Variants in CNBD1 observed in about 807,000 individuals in gnomAD.
CNBD1 encodes cyclic nucleotide-binding domain-containing protein 1.
A neutral mutation model predicts 54.4 loss-of-function variants in CNBD1; 71 were observed. That is an observed-to-expected ratio of 1.30 (90% CI 1.08 to 1.59). CNBD1 has a LOEUF of 1.59. CNBD1 is among the 40% of genes most tolerant of loss of function. The pLI, the probability that CNBD1 is intolerant of heterozygous loss-of-function variation, is 0.00. For missense variants in CNBD1, 659 were observed against 518.0 expected, an observed-to-expected ratio of 1.27 and a Z score of -2.64; for synonymous variants, 182 against 170.7, an observed-to-expected ratio of 1.07 and a Z score of -0.51.
At chr8:87,146,119 T>C (rs1423337303) in intron 4 of CNBD1, among the ~76,000 whole-genome samples, 1 of 152,158 alleles carries the variant, frequency 6.6e-6, no homozygotes, top group African/African-American at 2.4e-5. Context: ...TAAAACTTAA[T>C]AGTGCCCAGT....
chr8:87,338,603 C>G (rs1810001776), intron 8 of CNBD1, among the ~76,000 whole-genome samples: 1 of 141,914 alleles, frequency 7.0e-6, no homozygotes, highest in Admixed American at 7.1e-5. Context: ...TCTCTGCTTT[C>G]TTTCATTTTT....
At chr8:87,157,168 A>G (rs1812759263) in intron 4 of CNBD1, among the ~76,000 whole-genome samples, 1 of 152,228 alleles carries the variant, frequency 6.6e-6, no homozygotes, top group Non-Finnish European at 1.5e-5. Context: ...TAGTTTTATC[A>G]GCAATTGTTT....
chr8:87,388,076 C>G (rs1226698585), intron 2 of CNBD1, among the ~76,000 whole-genome samples: 1 of 152,106 alleles, frequency 6.6e-6, no homozygotes, highest in Non-Finnish European at 1.5e-5. Context: ...GGACACAACA[C>G]ACCAGAATCT....
At chr8:87,379,099 A>G (rs1811017715) in intron 10 of CNBD1, among the ~76,000 whole-genome samples, 1 of 151,492 alleles carries the variant, frequency 6.6e-6, no homozygotes, top group East Asian at 1.9e-4. Context: ...GTCATCTGCA[A>G]ACAGGGACAA....
chr8:87,175,998 G>A (rs924389969), intron 4 of CNBD1, among the ~76,000 whole-genome samples: 3 of 152,110 alleles, frequency 2.0e-5, no homozygotes, highest in Non-Finnish European at 4.4e-5. Flanking sequence ...GCTGTGATAG[G>A]GCAGCACTGA....
chr8:87,386,839 A>G (rs752379403), downstream of CNBD1, among the ~76,000 whole-genome samples: 3 of 152,190 alleles, frequency 2.0e-5, no homozygotes, highest in African/African-American at 7.2e-5. Context: ...AGGAAAAAAT[A>G]TTCAGGGCAG....
At chr8:87,006,569 C>T (rs1174263798) in intron 4 of CNBD1, among the ~76,000 whole-genome samples, 3 of 151,960 alleles carry the variant, frequency 2.0e-5, no homozygotes, top group Non-Finnish European at 4.4e-5. Context: ...GTAGGCACTC[C>T]TCATGGTCAA....
chr8:87,206,921 G>C (rs953099776), intron 5 of CNBD1, among the ~76,000 whole-genome samples: 1 of 152,038 alleles, frequency 6.6e-6, no homozygotes, highest in African/African-American at 2.4e-5. Flanking sequence ...ATTCTAACTT[G>C]TTCTCTGTGT....
intron 2 of CNBD1, among the ~76,000 whole-genome samples, chr8:87,390,521 C>T (rs1194609669): frequency 3.3e-5 from 5 of 152,096 alleles, no homozygotes; most frequent in African/African-American, 1.2e-4. Context: ...CAGAAAAATG[C>T]AAATCAAAAC....
At chr8:87,276,085 A>G (rs1299965845) in intron 6 of CNBD1, among the ~76,000 whole-genome samples, 6 of 151,958 alleles carry the variant, frequency 3.9e-5, no homozygotes, top group African/African-American at 1.2e-4. Flanking sequence ...GTAGGAATCA[A>G]TGGTAAATTC....
intron 4 of CNBD1, among the ~76,000 whole-genome samples, chr8:87,156,299 T>C (rs1182386675): frequency 1.7e-5 from 1 of 58,272 alleles, no homozygotes; most frequent in Non-Finnish European, 3.5e-5. Context: ...GGCTGGAGTG[T>C]GCTGCTATGA....
At chr8:87,230,397 G>C (rs2337005) in intron 5 of CNBD1, among the ~76,000 whole-genome samples, 13,222 of 151,956 alleles carry the variant, frequency 0.087, 1,758 homozygotes, top group African/African-American at 0.28. Flanking sequence ...TACATTTGTA[G>C]GTATATATTT....
At chr8:86,919,354 G>A (rs1809236791) in intron 3 of CNBD1, among the ~76,000 whole-genome samples, 1 of 152,132 alleles carries the variant, frequency 6.6e-6, no homozygotes, top group Non-Finnish European at 1.5e-5. Flanking sequence ...AAGAGGTTTG[G>A]AGAGCCCCAA....
intron 4 of CNBD1, among the ~76,000 whole-genome samples, chr8:87,017,289 G>A (rs1359911892): frequency 6.6e-6 from 1 of 152,116 alleles, no homozygotes. Flanking sequence ...ATATCTAACT[G>A]GGAATGTTTT....
At chr8:86,977,933 A>G (rs925630015) in intron 4 of CNBD1, among the ~76,000 whole-genome samples, 2 of 152,164 alleles carry the variant, frequency 1.3e-5, no homozygotes, top group Non-Finnish European at 2.9e-5. Flanking sequence ...ACAACAATAA[A>G]AGGAAGCTAC....
chr8:87,194,570 C>A (rs1250035288), intron 4 of CNBD1, among the ~76,000 whole-genome samples: 1 of 152,154 alleles, frequency 6.6e-6, no homozygotes, highest in East Asian at 1.9e-4. Flanking sequence ...ATAAACTAAC[C>A]AATATCCCCT....
chr8:87,369,175 T>C (rs575326562), intron 10 of CNBD1, among the ~76,000 whole-genome samples: 4 of 152,086 alleles, frequency 2.6e-5, no homozygotes, highest in East Asian at 2.0e-4. Flanking sequence ...ATAATGGCCT[T>C]CAATGTTCAC....
chr8:87,230,082 G>A (rs949090855), intron 5 of CNBD1, among the ~76,000 whole-genome samples: 14 of 152,164 alleles, frequency 9.2e-5, no homozygotes, highest in African/African-American at 2.9e-4. Flanking sequence ...AGGCAAAATG[G>A]GAGCCAAGAC....
chr8:87,297,660 G>A (rs1808905177), intron 8 of CNBD1, among the ~76,000 whole-genome samples: 1 of 151,932 alleles, frequency 6.6e-6, no homozygotes, highest in South Asian at 2.1e-4. Flanking sequence ...TCCTTAATTT[G>A]TCTGTAATCA....
Sources: gnomAD v4.1 joint callset for allele counts (sites outside exome capture counted in the v4.1 genomes callset) on GRCh38, gnomAD v4.1.1 for gene constraint, MANE v1.5 for transcripts, NCBI Gene and HGNC (gene_info 2026-07-23, HGNC 2026-07-21) for gene names.